FBXL7: variants seen among roughly 807,000 people sequenced by gnomAD.
FBXL7 encodes F-box/LRR-repeat protein 7.
In FBXL7, 12 loss-of-function variants were observed where a neutral mutation model predicts 38.3. The ratio of observed to expected loss-of-function variants is 0.31; its 90% CI spans 0.20 to 0.51. The LOEUF is 0.51. Ranked by LOEUF, FBXL7 falls within the 20% of genes least tolerant of loss-of-function variation. The pLI is 0.98. For synonymous variants in FBXL7, 297 were observed against 300.9 expected, an observed-to-expected ratio of 0.99 and a Z score of 0.13; for missense variants, 567 against 676.4, an observed-to-expected ratio of 0.84 and a Z score of 1.79.
At chr5:15,612,688 AAG>A (rs1042184824) in intron 1 of FBXL7, among the ~76,000 whole-genome samples, 3 of 152,196 alleles carry the variant, frequency 2.0e-5, no homozygotes, top group African/African-American at 7.2e-5. Context: ...TAAGCAATAA[AAG>A]AGCAGTCTTA....
At chr5:15,727,206 T>C (rs1028960126) in intron 2 of FBXL7, among the ~76,000 whole-genome samples, 2 of 152,148 alleles carry the variant, frequency 1.3e-5, no homozygotes. Context: ...TTTAAATGTG[T>C]GTCTTAAATT....
intron 2 of FBXL7, among the ~76,000 whole-genome samples, chr5:15,721,447 A>G (rs182210894): frequency 1.1e-4 from 17 of 152,288 alleles, no homozygotes; most frequent in African/African-American, 3.6e-4. Flanking sequence ...GGTTTCAAAC[A>G]CTAAGGAAAA....
Position 15,936,549 on chromosome 5 carries a change from C to T in FBXL7, c.839C>T (p.Thr280Met), listed in dbSNP as rs1356248686. The change falls in exon 4 of 4, where the codon ACG (threonine) becomes ATG (methionine). Residue 280 changes from threonine (T) to methionine (M), a missense_variant. By Grantham distance (81) the Thr-to-Met change is moderately conservative. Transcript: ENST00000504595. This position sits in a 1 kb window ranked among gnomAD's most constrained non-coding sequence, Gnocchi z 6.0. ...KQISIRYLDM[T>M]DCFVLEDEGL... is the part of the protein sequence containing the mutation. ...ATTTCCATCCGCTACCTGGACATGA[C>T]GGACTGCTTCGTGCTGGAGGACGAA... The T allele has an allele frequency of 6.2e-7, 1 of 1,613,312 alleles. No homozygotes were observed. The highest frequency in any genetic ancestry group is 8.5e-7 in the Non-Finnish European group (1 of 1,179,898).
intron 1 of FBXL7, among the ~76,000 whole-genome samples, chr5:15,516,478 G>A (rs1561011870): frequency 6.6e-6 from 1 of 152,120 alleles, no homozygotes; most frequent in Non-Finnish European, 1.5e-5. Flanking sequence ...GGATTTTTAT[G>A]TCTTACTTTG....
At chr5:15,877,921 T>C (rs1030417806) in intron 2 of FBXL7, among the ~76,000 whole-genome samples, 1 of 152,170 alleles carries the variant, frequency 6.6e-6, no homozygotes, top group African/African-American at 2.4e-5. Flanking sequence ...CCATCCTTAC[T>C]CTGTGTCTCT....
chr5:15,855,517 G>T (rs914656325), intron 2 of FBXL7, among the ~76,000 whole-genome samples: 1 of 151,834 alleles, frequency 6.6e-6, no homozygotes, highest in Non-Finnish European at 1.5e-5. Flanking sequence ...ATATTTTCTT[G>T]TTCCTCCTAA....
chr5:15,732,878 TTGAGA>T (rs1232560999), intron 2 of FBXL7, among the ~76,000 whole-genome samples: 1 of 152,220 alleles, frequency 6.6e-6, no homozygotes, highest in East Asian at 1.9e-4. Context: ...TTCCTCTTTC[TTGAGA>T]TAAGTGATGT....
intron 1 of FBXL7, among the ~76,000 whole-genome samples, chr5:15,553,154 T>C (rs149154754): frequency 3.3e-5 from 5 of 151,678 alleles, no homozygotes; most frequent in African/African-American, 9.7e-5. Context: ...CTGACCCACA[T>C]AGCCCTGCTC....
At chr5:15,550,691 A>G (rs1333392375) in intron 1 of FBXL7, among the ~76,000 whole-genome samples, 1 of 152,246 alleles carries the variant, frequency 6.6e-6, no homozygotes, top group Non-Finnish European at 1.5e-5. Flanking sequence ...TCTAAAACTG[A>G]CTTAACAAGT....
intron 2 of FBXL7, among the ~76,000 whole-genome samples, chr5:15,831,019 G>A (rs257737): frequency 0.53 from 80,705 of 151,964 alleles, 22,687 homozygotes; most frequent in Non-Finnish European, 0.63. Flanking sequence ...CTGAATCTGA[G>A]GACAAAATGT....
chr5:15,572,598 C>T (rs1005929735), intron 1 of FBXL7, among the ~76,000 whole-genome samples: 3 of 152,194 alleles, frequency 2.0e-5, no homozygotes, highest in East Asian at 1.9e-4. Context: ...GACCAGCAGG[C>T]GTAAGGGCCT....
At chr5:15,703,280 A>G (rs377581139) in intron 2 of FBXL7, among the ~76,000 whole-genome samples, 1 of 152,226 alleles carries the variant, frequency 6.6e-6, no homozygotes, top group African/African-American at 2.4e-5. Context: ...TTACAATATT[A>G]TATTTGTAAA....
chr5:15,618,111 T>A (rs1180902533), intron 2 of FBXL7, among the ~76,000 whole-genome samples: 1 of 152,160 alleles, frequency 6.6e-6, no homozygotes, highest in Non-Finnish European at 1.5e-5. Context: ...GGGCTTTAAA[T>A]TTTCATTTTC....
intron 1 of FBXL7, among the ~76,000 whole-genome samples, chr5:15,589,342 C>A (rs1228585745): frequency 6.6e-6 from 1 of 151,966 alleles, no homozygotes; most frequent in Non-Finnish European, 1.5e-5. Context: ...TTTCCCCCGG[C>A]TTTTCTCATG....
At chr5:15,834,054 G>T (rs1051213003) in intron 2 of FBXL7, among the ~76,000 whole-genome samples, 45 of 152,290 alleles carry the variant, frequency 3.0e-4, no homozygotes, top group African/African-American at 1.0e-3. Flanking sequence ...AGAGCCATCT[G>T]TAAATAAAAC....
chr5:15,592,056 C>T (rs888453878), intron 1 of FBXL7, among the ~76,000 whole-genome samples: 1 of 152,128 alleles, frequency 6.6e-6, no homozygotes, highest in Admixed American at 6.6e-5. Context: ...GAGGGTCACT[C>T]TAAATCCCAC....
intron 2 of FBXL7, among the ~76,000 whole-genome samples, chr5:15,893,079 G>A (rs900277091): frequency 6.7e-6 from 1 of 149,994 alleles, no homozygotes; most frequent in African/African-American, 2.5e-5. Context: ...TCACGCCACT[G>A]CACTCCAGCC....
At chr5:15,633,814 C>T (rs1741079831) in intron 2 of FBXL7, among the ~76,000 whole-genome samples, 1 of 150,280 alleles carries the variant, frequency 6.7e-6, no homozygotes, top group East Asian at 2.0e-4. Flanking sequence ...GAGTTTTGCT[C>T]TTGTCTCTCA....
intron 2 of FBXL7, among the ~76,000 whole-genome samples, chr5:15,817,050 C>T (rs1738034615): frequency 1.3e-5 from 2 of 152,162 alleles, no homozygotes. Flanking sequence ...GGGCTTAGAG[C>T]CCAAAGACCT....
Sources: gnomAD v4.1 joint callset for allele counts (sites outside exome capture counted in the v4.1 genomes callset) on GRCh38, gnomAD v4.1.1 for gene constraint, Gnocchi (gnomAD v3.1) non-coding constraint, MANE v1.5 for transcripts, NCBI Gene and HGNC (gene_info 2026-07-23, HGNC 2026-07-21) for gene names.